FANCI: variants seen among roughly 807,000 people sequenced by gnomAD.
FANCI encodes the protein Fanconi anemia group I protein.
FANCI carries 156 observed loss-of-function variants against 176.1 expected under a neutral mutation model. The ratio of observed to expected loss-of-function variants is 0.89; its 90% CI spans 0.78 to 1.01. The LOEUF (loss-of-function observed/expected upper bound fraction) is 1.01, where lower values mean the gene tolerates loss of function less well. FANCI is among the 50% of genes least tolerant of loss of function. FANCI has a pLI of 0.00. For synonymous variants in FANCI, 613 were observed against 541.7 expected, an observed-to-expected ratio of 1.13 and a Z score of -1.83; for missense variants, 1,678 against 1,534.1, an observed-to-expected ratio of 1.09 and a Z score of -1.57.
At chr15:89,267,266 G>A (rs2151347742) in intron 9 of FANCI, among the ~76,000 whole-genome samples, 1 of 150,868 alleles carries the variant, frequency 6.6e-6, no homozygotes, top group East Asian at 2.0e-4. Flanking sequence ...GTTGCAGTGA[G>A]CTGAGATTGC....
At position 89,268,453 on chromosome 15, in the gene FANCI, CATT is replaced by C; in HGVS notation, c.814_816del (p.Ile272del). On this transcript the variant is annotated inframe_deletion, in exon 10 of 38. Coordinates refer to ENST00000310775, the MANE Select transcript of FANCI (RefSeq NM_001113378.2). ...GTGAACTTCGTCATGTGGAAGGCAC[CATT>C]ATTCTACACATTGTGTTTGCCATCA... 1 of 1,614,086 alleles carries C rather than the reference CATT, an allele frequency of 6.2e-7. No homozygotes were observed.
chr15:89,289,012 G>C (rs1056434154), intron 18 of FANCI, among the ~76,000 whole-genome samples: 5 of 151,058 alleles, frequency 3.3e-5, no homozygotes, highest in Non-Finnish European at 7.4e-5. Context: ...TTTTCTTTGA[G>C]GTTTTTTTTT....
In FANCI at chr15:89,291,478, G is replaced by C. The variant is rs977560634; in HGVS notation, c.1891-135G>C. On this transcript the variant is annotated intron_variant, in intron 19 of 37. Coordinates refer to ENST00000310775, the MANE Select transcript of FANCI (RefSeq NM_001113378.2). ...GGTGAGCCAAAGAAATAAAAACTTGGCTGCATTGTTCTTTGAACAGTTGGG... is the reference window on the plus strand; with the variant it reads ...GGTGAGCCAAAGAAATAAAAACTTGCCTGCATTGTTCTTTGAACAGTTGGG... The C allele has an allele frequency of 1.4e-4, 99 of 724,236 alleles. No homozygotes were observed. The African/African-American group carries it at 1.7e-3, about 12-fold the overall frequency. The allele number at this position is 724,236 out of a possible 1,614,324, so 44.9% of individuals were successfully genotyped here. A position where few individuals can be genotyped will look rare whatever the true frequency, so the allele number is the denominator to read the frequency against.
intron 34 of FANCI, among the ~76,000 whole-genome samples, chr15:89,308,432 G>A (rs1440853707): frequency 1.3e-5 from 2 of 152,174 alleles, no homozygotes; most frequent in South Asian, 2.1e-4. Flanking sequence ...ATGTATCACA[G>A]GGCTGTTACT....
chr15:89,250,245 G>A (rs935755009), intron 2 of FANCI, among the ~76,000 whole-genome samples: 1 of 152,072 alleles, frequency 6.6e-6, no homozygotes, highest in Admixed American at 6.5e-5. Context: ...ACATTCACAC[G>A]TATGTTTATT....
intron 2 of FANCI, among the ~76,000 whole-genome samples, chr15:89,258,322 C>T (rs1025480249): frequency 2.6e-5 from 4 of 152,130 alleles, no homozygotes; most frequent in African/African-American, 7.2e-5. Context: ...GGTTCTTTTA[C>T]AATTTTTTTC....
At position 89,274,202 on chromosome 15, in the gene FANCI, G is replaced by A. The variant is rs753839203; in HGVS notation, c.1010G>A (p.Ser337Asn). 2 of 1,596,766 alleles carry A rather than the reference G, an allele frequency of 1.3e-6. No individual in the cohort carries two copies. Among genetic ancestry groups the A allele is most frequent in the South Asian group, 2.2e-5 (2 of 89,064 alleles). ...LDLLKTSVVK[S>N]FKDLQLLQGS... ...CTTTTAAAGACTTCGGTTGTAAAGA[G>A]CTTTAAGGATCTTCAACTCCTCCAA... Residue 337 changes from serine to asparagine, a missense_variant, in exon 12 of 38, where the codon AGC (serine) becomes AAC (asparagine). Around this residue, in one of 3 missense-constraint regions of FANCI, gnomAD observed 469 missense variants for 436.9 expected, o/e 1.07. Transcript: ENST00000310775.
chr15:89,266,872 T>C (rs1334070912), intron 9 of FANCI, among the ~76,000 whole-genome samples: 1 of 152,150 alleles, frequency 6.6e-6, no homozygotes, highest in African/African-American at 2.4e-5. Flanking sequence ...TAGCTCACTT[T>C]TGACCACACT....
At chr15:89,267,407 A>G (rs1057442037) in intron 9 of FANCI, among the ~76,000 whole-genome samples, 1 of 151,512 alleles carries the variant, frequency 6.6e-6, no homozygotes, top group African/African-American at 2.4e-5. Flanking sequence ...TTCAAGAAAG[A>G]AGTAGTTAAT....
At chr15:89,283,274 G>T in intron 17 of FANCI, 24 bp downstream of exon 17, 1 of 1,613,506 alleles carries the variant, frequency 6.2e-7, no homozygotes, top group South Asian at 1.1e-5. Flanking sequence ...ACGTTAACTT[G>T]CAGTGTGTGC....
At chr15:89,255,837 A>C (rs1409024721) in intron 2 of FANCI, among the ~76,000 whole-genome samples, 1 of 152,256 alleles carries the variant, frequency 6.6e-6, no homozygotes, top group African/African-American at 2.4e-5. Flanking sequence ...TGAAGATCAC[A>C]TAAGTGGAAG....
chr15:89,296,246 G>A (rs1383382564), intron 24 of FANCI, among the ~76,000 whole-genome samples: 7 of 146,672 alleles, frequency 4.8e-5, no homozygotes, highest in Non-Finnish European at 9.0e-5. Context: ...TTACAGGCGT[G>A]AGCCACTGCA....
intron 8 of FANCI, 134 bp downstream of exon 8, chr15:89,264,160 A>G: frequency 1.0e-6 from 1 of 955,814 alleles, no homozygotes. Flanking sequence ...ACGTGAGCAA[A>G]CATAGCCGAA....
chr15:89,302,999 C>T (rs1277185515), intron 27 of FANCI, among the ~76,000 whole-genome samples: 3 of 152,182 alleles, frequency 2.0e-5, no homozygotes, highest in African/African-American at 7.2e-5. Context: ...TTCCTCCTCT[C>T]CCCAAATAAG....
chr15:89,297,606 C>T (rs1027892459), intron 24 of FANCI, among the ~76,000 whole-genome samples: 3 of 152,068 alleles, frequency 2.0e-5, no homozygotes, highest in Non-Finnish European at 4.4e-5. Flanking sequence ...CAAAAAAATA[C>T]GAAAACCAGT....
Position 89,261,974 on chromosome 15 carries a change from C to T in FANCI, c.503+96C>T, listed in dbSNP as rs1184310984. Reference sequence around the variant, plus strand: ...AATTTATGTCTGGAGGTTTTAAGTCCTTCTTTTTTGTTGTTTTTAATATAA... The same window carrying T: ...AATTTATGTCTGGAGGTTTTAAGTCTTTCTTTTTTGTTGTTTTTAATATAA... On this transcript the variant is annotated intron_variant, in intron 6 of 37. Coordinates refer to ENST00000310775, the MANE Select transcript of FANCI (RefSeq NM_001113378.2). The T allele has an allele frequency of 1.3e-5, 14 of 1,097,872 alleles. No individual in the cohort carries two copies. In the East Asian group the frequency reaches 2.7e-4, roughly 21 times the overall value. The allele number at this position is 1,097,872 out of a possible 1,614,324, so 68.0% of individuals were successfully genotyped here. A position where few individuals can be genotyped will look rare whatever the true frequency, so the allele number is the denominator to read the frequency against.
chr15:89,272,430 ACTTGT>A (rs1229937460), intron 10 of FANCI, among the ~76,000 whole-genome samples: 2 of 151,848 alleles, frequency 1.3e-5, no homozygotes, highest in Non-Finnish European at 2.9e-5. Context: ...TCAGTCTGTG[ACTTGT>A]CTTTTTATTT....
rs934908141 is a variant in FANCI, at chr15:89,297,427, T to C, written c.2636+2333T>C. ...AGGCAGGCGGCTGGGAGGTGGAGGT[T>C]GTAGCGAGCCGAGATCACGCCACTG... is the stretch of plus-strand genomic sequence containing the variant. On this transcript the variant is annotated intron_variant, in intron 24 of 37. Coordinates refer to ENST00000310775, the MANE Select transcript of FANCI (RefSeq NM_001113378.2). Among the ~76,000 whole-genome samples, 398 of 151,970 alleles carry C rather than the reference T, an allele frequency of 2.6e-3. 4 individuals are homozygous for C. The highest frequency in any genetic ancestry group is 9.2e-3 in the African/African-American group (382 of 41,474).
chr15:89,248,197 T>C (rs1207597923), intron 2 of FANCI, among the ~76,000 whole-genome samples: 1 of 152,192 alleles, frequency 6.6e-6, no homozygotes, highest in Non-Finnish European at 1.5e-5. Flanking sequence ...AAGTGTAGGA[T>C]TATAAAATGG....
Sources: allele counts gnomAD v4.1 joint callset (sites outside exome capture counted in the v4.1 genomes callset), GRCh38; gene constraint gnomAD v4.1.1; regional missense constraint gnomAD v4.1.1; transcripts MANE v1.5; gene names NCBI Gene and HGNC (gene_info 2026-07-23, HGNC 2026-07-21).